Variants in DMD observed in about 807,000 individuals in gnomAD.
The protein encoded by DMD is mutant dystrophin.
A neutral mutation model predicts 330.1 loss-of-function variants in DMD; 63 were observed. The observed-to-expected ratio is 0.19, with a 90% CI of 0.16 to 0.24. The LOEUF (loss-of-function observed/expected upper bound fraction) is 0.24, where lower values mean the gene tolerates loss of function less well. Ranked by LOEUF, DMD falls within the 10% of genes least tolerant of loss-of-function variation. The probability of loss-of-function intolerance (pLI) is 1.00; values close to 1 mark genes in which losing one functional copy is unlikely to be tolerated. For synonymous variants in DMD, 1,223 were observed against 959.8 expected (o/e 1.27, Z -5.07); for missense variants, 3,344 against 2,684.1 (o/e 1.25, Z -5.43).
intron 51 of DMD, among the ~76,000 whole-genome samples, chrX:31,772,888 T>C (rs2090428061): frequency 8.9e-6 from 1 of 112,129 alleles, no homozygotes; most frequent in South Asian, 3.7e-4. Context: ...ATGTGTACTC[T>C]GTATGCTCTG....
At chrX:31,655,833 T>C (rs369804026) in intron 54 of DMD, among the ~76,000 whole-genome samples, 7 of 111,680 alleles carry the variant, frequency 6.3e-5, no homozygotes, top group African/African-American at 2.3e-4. Flanking sequence ...TCCCTGTTCA[T>C]TATAAATTAC....
chrX:31,634,567 A>G (rs968693220), intron 54 of DMD, among the ~76,000 whole-genome samples: 6 of 111,916 alleles, frequency 5.4e-5, no homozygotes, highest in Non-Finnish European at 9.4e-5. Flanking sequence ...TAAAAAAAAT[A>G]TACATATCAC....
intron 15 of DMD, among the ~76,000 whole-genome samples, chrX:32,569,901 T>C (rs1269738797): frequency 2.7e-5 from 3 of 111,730 alleles, no homozygotes; most frequent in Admixed American, 9.6e-5. Context: ...CTTCCCACGA[T>C]AATTTACGTG....
rs141124591 is a variant in DMD, at chrX:31,157,064, G to A, written c.10554-9546C>T. Among the ~76,000 whole-genome samples, 374 of 111,865 alleles carry A rather than the reference G, an allele frequency of 3.3e-3. 2 individuals are homozygous for A. The highest frequency in any genetic ancestry group is 0.011 in the African/African-American group (352 of 30,818). On this transcript the variant is annotated intron_variant, in intron 74 of 78. Coordinates refer to ENST00000357033, the MANE Select transcript of DMD (RefSeq NM_004006.3). ...AGATTTCCTTGATTTGACCCAATAC[G>A]CTAGGTATGTGATGAAACTGTCAAA...
chrX:31,791,294 T>C (rs2091558208), intron 50 of DMD, among the ~76,000 whole-genome samples: 2 of 112,335 alleles, frequency 1.8e-5, no homozygotes, highest in South Asian at 7.4e-4. Flanking sequence ...TATATTTTTT[T>C]ATAAATTAGA....
At chrX:32,602,088 A>G (rs769972706) in intron 12 of DMD, among the ~76,000 whole-genome samples, 23 of 112,151 alleles carry the variant, frequency 2.1e-4, no homozygotes, top group Non-Finnish European at 4.1e-4. Flanking sequence ...CAAAGTTTTA[A>G]GGTCTGGAGA....
intron 1 of DMD, among the ~76,000 whole-genome samples, chrX:33,182,955 T>A (rs1403481694): frequency 8.9e-6 from 1 of 112,017 alleles, no homozygotes; most frequent in Non-Finnish European, 1.9e-5. Flanking sequence ...AAGAATGAGT[T>A]TTTCTGCAAA....
intron 60 of DMD, among the ~76,000 whole-genome samples, chrX:31,366,116 G>A (rs912978604): frequency 9.0e-6 from 1 of 111,549 alleles, no homozygotes; most frequent in Non-Finnish European, 1.9e-5. Context: ...ATAGATTCCC[G>A]GAAGTGATTT....
intron 44 of DMD, among the ~76,000 whole-genome samples, chrX:32,200,564 G>A (rs1979807087): frequency 9.0e-6 from 1 of 110,870 alleles, no homozygotes; most frequent in Non-Finnish European, 1.9e-5. Flanking sequence ...AATTTCACAT[G>A]TAACATCAGT....
chrX:32,270,948 A>C (rs1349913914), intron 43 of DMD, among the ~76,000 whole-genome samples: 1 of 111,516 alleles, frequency 9.0e-6, no homozygotes, highest in Non-Finnish European at 1.9e-5. Flanking sequence ...ATAAACAGCT[A>C]CCTTGGGTCA....
At chrX:32,139,160 G>A (rs1201871824) in intron 44 of DMD, among the ~76,000 whole-genome samples, 1 of 112,241 alleles carries the variant, frequency 8.9e-6, no homozygotes, top group Non-Finnish European at 1.9e-5. Flanking sequence ...GATTGAGCTG[G>A]ATATAGAAGA....
chrX:31,413,826 A>G (rs1363090395), intron 60 of DMD, among the ~76,000 whole-genome samples: 2 of 109,581 alleles, frequency 1.8e-5, no homozygotes, highest in Non-Finnish European at 3.8e-5. Context: ...CTGCTGCAGC[A>G]TAACACCACT....
At chrX:31,514,951 C>T (rs1435277415) in intron 55 of DMD, among the ~76,000 whole-genome samples, 1 of 110,118 alleles carries the variant, frequency 9.1e-6, no homozygotes, top group African/African-American at 3.3e-5. Context: ...GAATGCAGAC[C>T]AACTGCTTAA....
At chrX:32,544,277 T>C (rs1482008668) in intron 17 of DMD, among the ~76,000 whole-genome samples, 2 of 111,698 alleles carry the variant, frequency 1.8e-5, no homozygotes, top group Non-Finnish European at 3.8e-5. Flanking sequence ...CTTCTCTAGA[T>C]TTATTTTTTT....
At chrX:31,650,651 C>T (rs1432920953) in intron 54 of DMD, among the ~76,000 whole-genome samples, 2 of 111,892 alleles carry the variant, frequency 1.8e-5, no homozygotes, top group African/African-American at 6.5e-5. Context: ...TAATGCTTGT[C>T]CCTCTCCTAA....
intron 7 of DMD, among the ~76,000 whole-genome samples, chrX:32,701,692 G>C (rs1011845549): frequency 9.0e-6 from 1 of 111,089 alleles, no homozygotes; most frequent in South Asian, 3.7e-4. Context: ...AAAACAAAAA[G>C]GGTTGAGCCT....
At chrX:32,565,917 G>A in intron 15 of DMD, 36 bp from the exon 16 acceptor site, 1 of 1,142,328 alleles carries the variant, frequency 8.8e-7, no homozygotes, top group Non-Finnish European at 1.2e-6. Flanking sequence ...ATAAGCCTGG[G>A]TTGCATTCCA....
At chrX:31,618,551 T>A (rs1467752544) in intron 55 of DMD, among the ~76,000 whole-genome samples, 3 of 112,096 alleles carry the variant, frequency 2.7e-5, no homozygotes, top group Non-Finnish European at 5.6e-5. Flanking sequence ...ATTAGATGAG[T>A]GATTTGAAGC....
At chrX:31,526,677 C>A (rs1197641807) in intron 55 of DMD, among the ~76,000 whole-genome samples, 1 of 112,150 alleles carries the variant, frequency 8.9e-6, no homozygotes, top group African/African-American at 3.2e-5. Flanking sequence ...GGCATCTGCT[C>A]TCTCCTTCCA....
Sources: allele counts gnomAD v4.1 joint callset (sites outside exome capture counted in the v4.1 genomes callset), GRCh38; gene constraint gnomAD v4.1.1; transcripts MANE v1.5; gene names NCBI Gene and HGNC (gene_info 2026-07-23, HGNC 2026-07-21).